Variants in NCK2 observed in about 807,000 individuals in gnomAD.
NCK2 encodes cytoplasmic protein NCK2.
A neutral mutation model predicts 33.9 loss-of-function variants in NCK2; 16 were observed. The ratio of observed to expected loss-of-function variants is 0.47; its 90% confidence interval spans 0.32 to 0.72. The LOEUF (loss-of-function observed/expected upper bound fraction) is 0.72. Ranked by LOEUF, NCK2 falls within the 30% of genes least tolerant of loss-of-function variation. The pLI, the probability that NCK2 is intolerant of heterozygous loss-of-function variation, is 0.03. For missense variants in NCK2, 418 were observed against 537.3 expected, an observed-to-expected ratio of 0.78 and a Z score of 2.19; for synonymous variants, 273 against 239.9, an observed-to-expected ratio of 1.14 and a Z score of -1.27.
rs927737572 is a variant in NCK2, at chr2:105,893,207, G to T, written c.*31G>T. ...CCCCGGCCCCACACTCGCCTCCCGGGCCCCACGGTGGAGCTGCCCGCCCGG... is the reference window on the plus strand; with the variant it reads ...CCCCGGCCCCACACTCGCCTCCCGGTCCCCACGGTGGAGCTGCCCGCCCGG... On this transcript the variant is annotated 3_prime_UTR_variant, in exon 5 of 5. Transcript: ENST00000233154. 1.3e-6 allele frequency: 2 copies of T among 1,543,252 alleles called. No homozygotes were observed. Among genetic ancestry groups the T allele is most frequent in the African/African-American group, 1.4e-5 (1 of 73,114 alleles).
At chr2:105,814,418 T>A (rs1401128130) in intron 1 of NCK2, among the ~76,000 whole-genome samples, 2 of 152,224 alleles carry the variant, frequency 1.3e-5, no homozygotes, top group Non-Finnish European at 2.9e-5. Flanking sequence ...TTAGTTCAAG[T>A]CCTGCTCCGT....
At chr2:105,794,353 A>G (rs1691002004) in intron 1 of NCK2, among the ~76,000 whole-genome samples, 1 of 152,090 alleles carries the variant, frequency 6.6e-6, no homozygotes. Context: ...TGCCTGGCTG[A>G]ATCCTTTGAT....
At chr2:105,862,146 G>T (rs1677565435) in intron 3 of NCK2, among the ~76,000 whole-genome samples, 1 of 152,156 alleles carries the variant, frequency 6.6e-6, no homozygotes, top group African/African-American at 2.4e-5. Context: ...CAATTTACCA[G>T]GCGGCTTAAC....
chr2:105,779,872 G>A (rs1690430417), intron 1 of NCK2, among the ~76,000 whole-genome samples: 1 of 152,034 alleles, frequency 6.6e-6, no homozygotes, highest in South Asian at 2.1e-4. Context: ...ACTGATATGG[G>A]GAAAACAGCC....
intron 1 of NCK2, among the ~76,000 whole-genome samples, chr2:105,780,661 C>A (rs574182317): frequency 2.0e-5 from 3 of 152,286 alleles, no homozygotes; most frequent in Non-Finnish European, 4.4e-5. Context: ...ATCCTACCCC[C>A]CAAGGTGATG....
At chr2:105,746,264 A>C (rs4851838) in intron 1 of NCK2, among the ~76,000 whole-genome samples, 134,347 of 152,218 alleles carry the variant, frequency 0.88, 59,418 homozygotes, top group East Asian at 0.99. Flanking sequence ...AAATATCGCA[A>C]GGGCCAGCTC....
chr2:105,840,597 C>T (rs1469698380), intron 2 of NCK2, among the ~76,000 whole-genome samples: 1 of 152,164 alleles, frequency 6.6e-6, no homozygotes, highest in Admixed American at 6.5e-5. Flanking sequence ...TCAAGACTGC[C>T]CCTCCACCCC....
intron 3 of NCK2, among the ~76,000 whole-genome samples, chr2:105,874,006 C>T (rs558351466): frequency 2.0e-5 from 3 of 152,110 alleles, no homozygotes; most frequent in South Asian, 4.2e-4. Flanking sequence ...GGGGAAGGCT[C>T]GGGGTGAGAT....
chr2:105,748,715 G>A lies in NCK2; in HGVS notation c.-201+3577G>A, dbSNP rs532483456. Among the ~76,000 whole-genome samples the A allele has an allele frequency of 6.8e-4, 104 of 152,224 alleles. 1 individual carries two copies. The highest frequency in any genetic ancestry group is 2.4e-3 in the African/African-American group (100 of 41,528). The stretch of plus-strand genomic sequence containing the variant: ...TTACAGGCCAGAGCCACCATACCCT[G>A]CCCTATGGTTTTTTTGCCTTCATCT... On this transcript the variant is annotated intron_variant, in intron 1 of 4. Transcript: ENST00000233154.
intron 4 of NCK2, 134 bp downstream of exon 4, chr2:105,882,183 T>A: frequency 1.9e-6 from 2 of 1,075,202 alleles, no homozygotes; most frequent in Non-Finnish European, 2.4e-6. Flanking sequence ...TGCAATTTAG[T>A]ATAATGTTTG....
intron 1 of NCK2, among the ~76,000 whole-genome samples, chr2:105,794,760 G>C (rs548995541): frequency 1.3e-5 from 2 of 151,700 alleles, no homozygotes; most frequent in Non-Finnish European, 2.9e-5. Context: ...ACCCAGGCTG[G>C]AGTGCAGTGG....
At chr2:105,815,974 C>T (rs1675465352) in intron 1 of NCK2, among the ~76,000 whole-genome samples, 1 of 152,166 alleles carries the variant, frequency 6.6e-6, no homozygotes, top group African/African-American at 2.4e-5. Flanking sequence ...CCCCCACACC[C>T]CATCACCTCC....
rs1047610971 is a variant in NCK2 at position 105,772,723 on chromosome 2, G to A, written c.-201+27585G>A. On this transcript the variant is annotated intron_variant, in intron 1 of 4. Coordinates refer to ENST00000233154, the MANE Select transcript of NCK2 (RefSeq NM_003581.5). ...TGACCTCCTACTAGAGTTTTTCCCC[G>A]AAACTCTTCTTTCTGGAATTGACTT... Among the ~76,000 whole-genome samples, 4 of 152,086 alleles carry A rather than the reference G, an allele frequency of 2.6e-5. No individual in the cohort carries two copies. In the Middle Eastern group the frequency reaches 0.01, roughly 388 times the overall value.
At chr2:105,803,003 T>C (rs1674899296) in intron 1 of NCK2, among the ~76,000 whole-genome samples, 1 of 152,148 alleles carries the variant, frequency 6.6e-6, no homozygotes, top group Non-Finnish European at 1.5e-5. Context: ...TTGAAGTCTT[T>C]CTAGAAGAGA....
At chr2:105,785,317 G>A (rs546298608) in intron 1 of NCK2, among the ~76,000 whole-genome samples, 10 of 152,310 alleles carry the variant, frequency 6.6e-5, no homozygotes, top group African/African-American at 2.4e-4. Flanking sequence ...TGCTGTGTGT[G>A]TCCAAGTGTA....
At chr2:105,785,536 T>C (rs977533974) in intron 1 of NCK2, among the ~76,000 whole-genome samples, 3 of 152,218 alleles carry the variant, frequency 2.0e-5, no homozygotes, top group Non-Finnish European at 4.4e-5. Context: ...CAGTCCTCCT[T>C]GTAACCTGGT....
intron 3 of NCK2, among the ~76,000 whole-genome samples, chr2:105,878,042 C>T (rs1232127943): frequency 6.6e-6 from 1 of 152,340 alleles, no homozygotes; most frequent in Non-Finnish European, 1.5e-5. Flanking sequence ...AGAGTGTTTG[C>T]TTCCCAGGTG....
chr2:105,889,879 G>A (rs945469049), intron 4 of NCK2, among the ~76,000 whole-genome samples: 1 of 152,110 alleles, frequency 6.6e-6, no homozygotes, highest in African/African-American at 2.4e-5. Flanking sequence ...AGCTTCCATG[G>A]CTGGCCCTTG....
chr2:105,870,215 A>G (rs763349749), intron 3 of NCK2, among the ~76,000 whole-genome samples: 1 of 152,216 alleles, frequency 6.6e-6, no homozygotes, highest in Non-Finnish European at 1.5e-5. Context: ...CAGGGGCCCT[A>G]CAGGTGCTCC....
Sources: gnomAD v4.1 joint callset for allele counts (sites outside exome capture counted in the v4.1 genomes callset) on GRCh38, gnomAD v4.1.1 for gene constraint, MANE v1.5 for transcripts, NCBI Gene and HGNC (gene_info 2026-07-23, HGNC 2026-07-21) for gene names.